GSE1: variants seen among roughly 807,000 people sequenced by gnomAD.
The protein encoded by GSE1 is Gse1 coiled-coil protein, also known as genetic suppressor element 1.
Under a neutral mutation model 112.6 loss-of-function variants are expected in GSE1, and 32 were observed. The observed-to-expected ratio is 0.28, with a 90% CI of 0.21 to 0.38. The LOEUF (loss-of-function observed/expected upper bound fraction) is 0.38, where lower values mean the gene tolerates loss of function less well. Among genes scored for constraint, GSE1 ranks in the 10% least tolerant of loss-of-function variants. The pLI is 1.00. For missense variants in GSE1, 2,348 were observed against 1,699.2 expected (o/e 1.38, Z -6.71); for synonymous variants, 1,115 against 735.6 (o/e 1.52, Z -8.35).
intron 1 of GSE1, among the ~76,000 whole-genome samples, chr16:85,282,558 C>T (rs986672984): frequency 1.3e-5 from 2 of 152,174 alleles, no homozygotes; most frequent in African/African-American, 4.8e-5. Context: ...ATCGGGGAAA[C>T]GTTCAGGCAT....
intron 2 of GSE1, among the ~76,000 whole-genome samples, chr16:85,387,265 C>T (rs1322417121): frequency 6.6e-6 from 1 of 152,164 alleles, no homozygotes; most frequent in Non-Finnish European, 1.5e-5. Flanking sequence ...CGCCCAGTGA[C>T]TCCCCAGAAC....
chr16:85,262,490 G>C (rs1457186783), intron 1 of GSE1, among the ~76,000 whole-genome samples: 2 of 152,216 alleles, frequency 1.3e-5, no homozygotes, highest in Non-Finnish European at 2.9e-5. Context: ...CGGGACTTCA[G>C]AGGAAGCATG....
intron 1 of GSE1, among the ~76,000 whole-genome samples, chr16:85,253,907 G>A (rs1906787865): frequency 6.6e-6 from 1 of 152,188 alleles, no homozygotes; most frequent in Non-Finnish European, 1.5e-5. Flanking sequence ...GTGTGCAAAG[G>A]GCAGGAGGCG....
chr16:85,498,024 G>A (rs1444380820), intron 2 of GSE1, among the ~76,000 whole-genome samples: 4 of 151,972 alleles, frequency 2.6e-5, no homozygotes, highest in Non-Finnish European at 5.9e-5. Flanking sequence ...TGTGTGCTCC[G>A]CAGGAGCACC....
At chr16:85,535,463 C>T (rs1567568280) in intron 2 of GSE1, among the ~76,000 whole-genome samples, 1 of 152,246 alleles carries the variant, frequency 6.6e-6, no homozygotes, top group Non-Finnish European at 1.5e-5. Flanking sequence ...CACCCTCAGC[C>T]TGTGTGACCC....
In GSE1 at chr16:85,668,149, C is replaced by T. The variant is rs2053032584; in HGVS notation, c.3140C>T (p.Ala1047Val). The T allele has an allele frequency of 6.3e-7, 1 of 1,583,826 alleles. No individual in the cohort carries two copies. The highest frequency in any genetic ancestry group is 1.3e-5 in the African/African-American group (1 of 74,380). ...KALQKHKGSV[A>V]VLSAEQNHKV... ...CCTGTCCCCTCCACAGGGAGCGTGG[C>T]TGTGCTGTCTGCAGAGCAGAACCAC... Residue 1047 changes from alanine to valine, a missense_variant, in exon 14 of 16, where the codon GCT (alanine) becomes GTT (valine). Ala to Val is a moderately conservative substitution (Grantham distance 64). Transcript: ENST00000253458.
At chr16:85,652,087 G>A (rs1040760462) in intron 3 of GSE1, among the ~76,000 whole-genome samples, 2 of 152,210 alleles carry the variant, frequency 1.3e-5, no homozygotes, top group African/African-American at 4.8e-5. Context: ...CACCTGCCAT[G>A]TCCGGGCCCC....
chr16:85,645,368 T>C (rs2050768170), intron 2 of GSE1, among the ~76,000 whole-genome samples: 1 of 152,076 alleles, frequency 6.6e-6, no homozygotes, highest in Non-Finnish European at 1.5e-5. Flanking sequence ...GCGTGGCCGA[T>C]CTGGCTAGAC....
chr16:85,350,229 C>T (rs1334906520), intron 1 of GSE1, among the ~76,000 whole-genome samples: 1 of 152,186 alleles, frequency 6.6e-6, no homozygotes, highest in African/African-American at 2.4e-5. Context: ...AGTTGTGGCT[C>T]GCTTGGTTTC....
At chr16:85,649,599 C>T (rs754711) in intron 3 of GSE1, among the ~76,000 whole-genome samples, 83,090 of 151,842 alleles carry the variant, frequency 0.55, 25,625 homozygotes, top group East Asian at 0.86. Flanking sequence ...TGCCTGGGGC[C>T]TGTGCGCCCT....
At chr16:85,663,283 G>A (rs1239607179) in intron 10 of GSE1, 61 bp from the exon 11 acceptor site, 1 of 1,576,018 alleles carries the variant, frequency 6.3e-7, no homozygotes, top group Non-Finnish European at 8.7e-7. Flanking sequence ...GGGACCCCGG[G>A]ACAGTGCAAG....
At chr16:85,354,724 C>T (rs1370833291) in intron 1 of GSE1, among the ~76,000 whole-genome samples, 1 of 152,214 alleles carries the variant, frequency 6.6e-6, no homozygotes, top group Non-Finnish European at 1.5e-5. Flanking sequence ...CGGGTGCTGC[C>T]CCATAAGCCG....
At chr16:85,192,591 C>T (rs1020180527) in intron 1 of GSE1, among the ~76,000 whole-genome samples, 2 of 152,214 alleles carry the variant, frequency 1.3e-5, no homozygotes, top group South Asian at 4.1e-4. Flanking sequence ...CTGCCTCCAT[C>T]CTGGGCCTGT....
At chr16:85,231,963 C>T (rs757426691) in intron 1 of GSE1, among the ~76,000 whole-genome samples, 11 of 152,208 alleles carry the variant, frequency 7.2e-5, no homozygotes, top group Non-Finnish European at 1.5e-4. Flanking sequence ...TTCTGACCGC[C>T]ATGAATGCCA....
At chr16:85,201,736 T>C (rs997947421) in intron 1 of GSE1, among the ~76,000 whole-genome samples, 9 of 152,154 alleles carry the variant, frequency 5.9e-5, no homozygotes, top group Non-Finnish European at 8.8e-5. Flanking sequence ...GTCCTGGCCG[T>C]GCCCCACAGT....
intron 2 of GSE1, among the ~76,000 whole-genome samples, chr16:85,648,348 G>A (rs1419234444): frequency 6.6e-6 from 1 of 152,054 alleles, no homozygotes. Flanking sequence ...AGTGCCCGGG[G>A]TAGACTGAGC....
intron 1 of GSE1, among the ~76,000 whole-genome samples, chr16:85,581,496 C>G (rs993250486): frequency 6.7e-6 from 1 of 150,036 alleles, no homozygotes; most frequent in Non-Finnish European, 1.5e-5. Flanking sequence ...GTTATCAGGC[C>G]CTCTGTTTCT....
chr16:85,414,934 C>G (rs1361758717), intron 2 of GSE1, among the ~76,000 whole-genome samples: 2 of 152,174 alleles, frequency 1.3e-5, no homozygotes, highest in East Asian at 3.9e-4. Flanking sequence ...CCGTGCCCAG[C>G]CTGATTTTAT....
chr16:85,506,809 C>T (rs1245185767), intron 2 of GSE1, among the ~76,000 whole-genome samples: 2 of 152,130 alleles, frequency 1.3e-5, no homozygotes, highest in Non-Finnish European at 2.9e-5. Context: ...GGGAAGTGAT[C>T]ATAGCAGACG....
Sources: gnomAD v4.1 joint callset for allele counts (sites outside exome capture counted in the v4.1 genomes callset) on GRCh38, gnomAD v4.1.1 for gene constraint, MANE v1.5 for transcripts, NCBI Gene and HGNC (gene_info 2026-07-23, HGNC 2026-07-21) for gene names.